DPYD: variants seen among roughly 807,000 people sequenced by gnomAD.
DPYD encodes the protein dihydropyrimidine dehydrogenase [NADP(+)].
DPYD carries 109 observed loss-of-function variants against 116.2 expected under a neutral mutation model. The observed-to-expected ratio is 0.94, with a 90% confidence interval of 0.80 to 1.10. The LOEUF is 1.10. Among genes scored for constraint, DPYD ranks in the 50% least tolerant of loss-of-function variants. The pLI, the probability that DPYD is intolerant of heterozygous loss-of-function variation, is 0.00. For missense variants in DPYD, 1,302 were observed against 1,254.5 expected (o/e 1.04, Z -0.57); for synonymous variants, 440 against 432.0 (o/e 1.02, Z -0.23).
At chr1:97,554,782 G>C (rs1046113051) in intron 11 of DPYD, among the ~76,000 whole-genome samples, 18 of 152,028 alleles carry the variant, frequency 1.2e-4, no homozygotes, top group African/African-American at 4.3e-4. Context: ...ACTTTAATCA[G>C]TATGCTCTCC....
chr1:97,144,231 G>A (rs1011813366), intron 20 of DPYD, among the ~76,000 whole-genome samples: 16 of 152,134 alleles, frequency 1.1e-4, no homozygotes, highest in African/African-American at 7.2e-5. Flanking sequence ...TCAGCTTTAC[G>A]CAAAGATAGA....
intron 2 of DPYD, among the ~76,000 whole-genome samples, chr1:97,882,782 T>A (rs1316452978): frequency 1.3e-5 from 2 of 152,138 alleles, no homozygotes; most frequent in East Asian, 3.9e-4. Context: ...GAACATCTAA[T>A]GTTCATATAT....
intron 18 of DPYD, among the ~76,000 whole-genome samples, chr1:97,254,486 A>G (rs1180460956): frequency 2.0e-5 from 3 of 152,156 alleles, no homozygotes; most frequent in Non-Finnish European, 2.9e-5. Context: ...TAATGGAGTG[A>G]TGTCCAATCA....
intron 11 of DPYD, among the ~76,000 whole-genome samples, chr1:97,558,133 C>A (rs571227360): frequency 6.6e-6 from 1 of 152,244 alleles, no homozygotes; most frequent in East Asian, 1.9e-4. Flanking sequence ...ACAGATTCAG[C>A]CTTGAGAGCA....
chr1:97,616,578 C>G (rs1280310321), intron 8 of DPYD, among the ~76,000 whole-genome samples: 1 of 152,076 alleles, frequency 6.6e-6, no homozygotes, highest in Non-Finnish European at 1.5e-5. Flanking sequence ...GATTTGCAAG[C>G]ATATTAATAT....
chr1:97,858,929 T>C (rs573981277), intron 2 of DPYD, among the ~76,000 whole-genome samples: 27 of 152,224 alleles, frequency 1.8e-4, no homozygotes, highest in African/African-American at 6.3e-4. Flanking sequence ...TAACATGTCA[T>C]GTTACAGTTC....
In DPYD at chr1:97,247,953, C is replaced by T. The variant is rs559727326; in HGVS notation, c.2300-12959G>A. 4.6e-5 allele frequency among the ~76,000 whole-genome samples: 7 copies of T among 152,292 alleles called. No individual in the cohort carries two copies. The South Asian group carries it at 1.4e-3, about 32-fold the overall frequency. On this transcript the variant is annotated intron_variant, in intron 18 of 22. Transcript: ENST00000370192. ...AACTAAAGGAAGGAATAATACCGAT[C>T]TTACACAAACTCTTGTAGAAGATAG...
chr1:97,276,921 G>A (rs961337901), intron 18 of DPYD, among the ~76,000 whole-genome samples: 5 of 152,128 alleles, frequency 3.3e-5, no homozygotes, highest in Admixed American at 6.6e-5. Context: ...GTTCATCACA[G>A]CACTATTCAC....
intron 20 of DPYD, among the ~76,000 whole-genome samples, chr1:97,111,152 C>T (rs1651565589): frequency 6.6e-6 from 1 of 152,086 alleles, no homozygotes; most frequent in South Asian, 2.1e-4. Context: ...GCTCAATTGC[C>T]TCATCCTTGG....
chr1:97,385,607 T>A (rs1474091300), intron 14 of DPYD, among the ~76,000 whole-genome samples: 2 of 150,934 alleles, frequency 1.3e-5, no homozygotes, highest in Non-Finnish European at 2.9e-5. Context: ...AATCCCCCAA[T>A]TCACATTCTC....
chr1:97,670,520 A>G (rs1238291476), intron 8 of DPYD, among the ~76,000 whole-genome samples: 2 of 152,206 alleles, frequency 1.3e-5, no homozygotes, highest in Non-Finnish European at 2.9e-5. Context: ...CAAGCCAGGA[A>G]GAGGGCCTTC....
At chr1:97,467,714 T>C (rs1677411749) in intron 13 of DPYD, among the ~76,000 whole-genome samples, 1 of 152,216 alleles carries the variant, frequency 6.6e-6, no homozygotes, top group Non-Finnish European at 1.5e-5. Flanking sequence ...TATTTGATCA[T>C]GTACTCCATC....
intron 14 of DPYD, among the ~76,000 whole-genome samples, chr1:97,411,129 C>T (rs1425219736): frequency 1.3e-5 from 2 of 152,126 alleles, no homozygotes; most frequent in Non-Finnish European, 1.5e-5. Flanking sequence ...CCAATCCAGG[C>T]TCTACATGAG....
chr1:97,471,391 G>C (rs534401905), intron 13 of DPYD, among the ~76,000 whole-genome samples: 117 of 152,218 alleles, frequency 7.7e-4, no homozygotes, highest in African/African-American at 2.7e-3. Flanking sequence ...TGTTGTGATG[G>C]ACCAGAGCAA....
intron 2 of DPYD, among the ~76,000 whole-genome samples, chr1:97,864,497 C>G (rs1481197344): frequency 6.6e-6 from 1 of 151,754 alleles, no homozygotes; most frequent in Non-Finnish European, 1.5e-5. Context: ...TGAAAGAAGT[C>G]TAGTAGGCAT....
chr1:97,574,359 C>T (rs1440080845), intron 10 of DPYD, among the ~76,000 whole-genome samples: 1 of 151,946 alleles, frequency 6.6e-6, no homozygotes, highest in Non-Finnish European at 1.5e-5. Flanking sequence ...CTGTTTATTA[C>T]CAGGTTGCAT....
chr1:97,663,891 G>A (rs1459775310), intron 8 of DPYD, among the ~76,000 whole-genome samples: 1 of 152,154 alleles, frequency 6.6e-6, no homozygotes, highest in Admixed American at 6.5e-5. Context: ...TCCTACAGAG[G>A]CTTATAGTCT....
chr1:97,306,391 C>A lies in DPYD; in HGVS notation c.2059-94G>T, dbSNP rs7556439. 0.29 allele frequency: 439,989 copies of A among 1,525,832 alleles called. 66,605 individuals carry two copies. Among genetic ancestry groups the A allele is most frequent in the Admixed American group, 0.43 (25,697 of 59,344 alleles). The allele number at this position is 1,525,832 out of a possible 1,614,324, so 94.5% of individuals were successfully genotyped here. On this transcript the variant is annotated intron_variant, in intron 16 of 22. Transcript: ENST00000370192. ...ACAGCAAAGCTGGAGACGTGCAAGA[C>A]AAATCCAACTTGACAATGAGCTACA...
intron 2 of DPYD, among the ~76,000 whole-genome samples, chr1:97,871,918 T>C (rs1029426630): frequency 1.3e-5 from 2 of 151,882 alleles, no homozygotes; most frequent in Non-Finnish European, 2.9e-5. Context: ...TAAGGTTATA[T>C]ATATGCCAAC....
Sources: gnomAD v4.1 joint callset for allele counts (sites outside exome capture counted in the v4.1 genomes callset) on GRCh38, gnomAD v4.1.1 for gene constraint, MANE v1.5 for transcripts, NCBI Gene and HGNC (gene_info 2026-07-23, HGNC 2026-07-21) for gene names.